Variants in TBC1D23 observed in about 807,000 individuals in gnomAD.
TBC1D23 encodes HCV non-structural protein 4A-transactivated protein 1.
A neutral mutation model predicts 91.4 loss-of-function variants in TBC1D23; 55 were observed. The observed-to-expected ratio is 0.60, with a 90% CI of 0.48 to 0.75. The LOEUF is 0.75. Ranked by LOEUF, TBC1D23 falls within the 30% of genes least tolerant of loss-of-function variation. The pLI, the probability that TBC1D23 is intolerant of heterozygous loss-of-function variation, is 0.00. For synonymous variants in TBC1D23, 289 were observed against 281.0 expected (o/e 1.03, Z -0.28); for missense variants, 725 against 836.1 (o/e 0.87, Z 1.64).
intron 10 of TBC1D23, among the ~76,000 whole-genome samples, chr3:100,299,671 G>A (rs754689504): frequency 3.3e-5 from 5 of 152,058 alleles, no homozygotes; most frequent in Non-Finnish European, 5.9e-5. Context: ...CACCAGGCCC[G>A]GCTAATTTTT....
chr3:100,293,114 T>C (rs1332282456), intron 5 of TBC1D23, among the ~76,000 whole-genome samples: 1 of 149,054 alleles, frequency 6.7e-6, no homozygotes, highest in Non-Finnish European at 1.5e-5. Context: ...AGTTTGTTTG[T>C]TTGTTTGTTT....
chr3:100,293,660 A>G (rs1221422463), intron 5 of TBC1D23, among the ~76,000 whole-genome samples: 2 of 152,220 alleles, frequency 1.3e-5, no homozygotes, highest in African/African-American at 4.8e-5. Context: ...CACAAAAAAC[A>G]TTAGTAGCAT....
intron 17 of TBC1D23, among the ~76,000 whole-genome samples, chr3:100,319,920 A>G (rs1040726357): frequency 5.3e-5 from 8 of 152,140 alleles, no homozygotes; most frequent in Non-Finnish European, 8.8e-5. Context: ...CACAACTTCA[A>G]TGCCATTACC....
intron 4 of TBC1D23, among the ~76,000 whole-genome samples, chr3:100,284,473 G>A (rs2067723244): frequency 6.6e-6 from 1 of 152,144 alleles, no homozygotes; most frequent in Non-Finnish European, 1.5e-5. Context: ...TATTGAGCTT[G>A]GAAGGAAGTC....
intron 9 of TBC1D23, among the ~76,000 whole-genome samples, chr3:100,298,401 G>T (rs1705346136): frequency 6.6e-6 from 1 of 152,202 alleles, no homozygotes; most frequent in South Asian, 2.1e-4. Flanking sequence ...ACAGCTAATT[G>T]AATTACATGG....
Position 100,261,171 on chromosome 3 carries a change from G to A in TBC1D23, c.53+100G>A, listed in dbSNP as rs566422676. 142 of 1,238,006 alleles carry A rather than the reference G, an allele frequency of 1.1e-4. No individual in the cohort carries two copies. In the Admixed American group the frequency reaches 2.5e-3, roughly 22 times the overall value. The allele number at this position is 1,238,006 out of a possible 1,614,324, so 76.7% of individuals were successfully genotyped here. On this transcript the variant is annotated intron_variant, in intron 1 of 18. Coordinates refer to ENST00000394144, the MANE Select transcript of TBC1D23 (RefSeq NM_001199198.3). ...CCGTCTGGCGTCGGCATGGAACGGA[G>A]AGGCCGGTCCTAGGCGAAGTCCGGT... is the stretch of plus-strand genomic sequence containing the variant.
chr3:100,304,895 TTTTGA>T lies in TBC1D23; in HGVS notation c.1306+11_1306+15del. The T allele has an allele frequency of 6.9e-7, 1 of 1,441,592 alleles. No homozygotes were observed. The highest frequency in any genetic ancestry group is 2.3e-5 in the East Asian group (1 of 43,898). 89.3% of individuals were successfully genotyped at this position (1,441,592 alleles called of 1,614,324 possible). The stretch of plus-strand genomic sequence containing the variant: ...GCCAGTGGAGGATTTATGGGTAAGA[TTTTGA>T]TTTATTAGTTTTTTTCCTCTATGTT... On this transcript the variant is annotated splice_region_variant and intron_variant, in intron 12 of 18. Transcript: ENST00000394144.
chr3:100,283,328 C>T (rs1225451755), intron 3 of TBC1D23, among the ~76,000 whole-genome samples: 1 of 151,732 alleles, frequency 6.6e-6, no homozygotes, highest in Non-Finnish European at 1.5e-5. Context: ...GAGCCAAGAC[C>T]GTGCCATTGC....
chr3:100,271,623 G>A lies in TBC1D23; in HGVS notation c.54-8026G>A, dbSNP rs144100411. On this transcript the variant is annotated intron_variant, in intron 1 of 18. Coordinates refer to ENST00000394144, the MANE Select transcript of TBC1D23 (RefSeq NM_001199198.3). ...TGTTTGTTTGTTTTTGGAGGGGGCT[G>A]AGATCAAAGGGAAGAGAAGCCTGCT... is the stretch of plus-strand genomic sequence containing the variant. 4.7e-3 allele frequency among the ~76,000 whole-genome samples: 710 copies of A among 152,278 alleles called. 2 individuals carry two copies. Among genetic ancestry groups the A allele is most frequent in the Non-Finnish European group, 6.3e-3 (431 of 68,012 alleles).
In TBC1D23 at chr3:100,282,347, C is replaced by T. The variant is rs182413135; in HGVS notation, c.271+500C>T. ...AAAGATAACCTAGTTTTTACTGTTT[C>T]TTTTGCATTATATGTTAGATTTTTC... On this transcript the variant is annotated intron_variant, in intron 3 of 18. Coordinates refer to ENST00000394144, the MANE Select transcript of TBC1D23 (RefSeq NM_001199198.3). Among the ~76,000 whole-genome samples, 1,408 of 152,138 alleles carry T rather than the reference C, an allele frequency of 9.3e-3. 11 individuals are homozygous for T. The highest frequency in any genetic ancestry group is 0.014 in the Non-Finnish European group (953 of 67,982).
intron 4 of TBC1D23, among the ~76,000 whole-genome samples, chr3:100,285,880 C>G (rs2067737606): frequency 6.7e-6 from 1 of 150,282 alleles, no homozygotes; most frequent in Non-Finnish European, 1.5e-5. Context: ...AGAAATGACT[C>G]TTTACCCAAA....
chr3:100,283,548 G>A (rs2067713149), intron 3 of TBC1D23, 59 bp from the exon 4 acceptor site: 3 of 1,106,986 alleles, frequency 2.7e-6, no homozygotes, highest in South Asian at 2.7e-5. Context: ...CAAGTGTTAT[G>A]TCCAATAACA....
At chr3:100,298,387 GT>G (rs1328177320) in intron 9 of TBC1D23, among the ~76,000 whole-genome samples, 1 of 152,182 alleles carries the variant, frequency 6.6e-6, no homozygotes, top group Admixed American at 6.5e-5. Flanking sequence ...GTTTCTGGTA[GT>G]TTACAGCTAA....
intron 4 of TBC1D23, among the ~76,000 whole-genome samples, chr3:100,286,813 T>C (rs1349187789): frequency 6.6e-6 from 1 of 151,952 alleles, no homozygotes; most frequent in African/African-American, 2.4e-5. Flanking sequence ...TCTTCTTCTT[T>C]TTAATTATTT....
intron 2 of TBC1D23, among the ~76,000 whole-genome samples, chr3:100,280,134 G>T (rs181176557): frequency 6.6e-6 from 1 of 151,950 alleles, no homozygotes; most frequent in Admixed American, 6.6e-5. Context: ...AGAGGCCGAG[G>T]CAAGAGAATC....
intron 12 of TBC1D23, among the ~76,000 whole-genome samples, chr3:100,306,029 T>G (rs1158691717): frequency 6.6e-6 from 1 of 152,342 alleles, no homozygotes; most frequent in Non-Finnish European, 1.5e-5. Flanking sequence ...CTAACAATGC[T>G]TCTTTATTAT....
In TBC1D23 at chr3:100,270,230, G is replaced by A. The variant is rs571306219; in HGVS notation, c.53+9159G>A. 4.6e-4 allele frequency among the ~76,000 whole-genome samples: 70 copies of A among 152,252 alleles called. No homozygotes were observed. The Middle Eastern group carries it at 0.01, about 22-fold the overall frequency. On this transcript the variant is annotated intron_variant, in intron 1 of 18. Coordinates refer to ENST00000394144, the MANE Select transcript of TBC1D23 (RefSeq NM_001199198.3). The stretch of plus-strand genomic sequence containing the variant: ...TGTAGTAGGTGCTCAATACATACGT[G>A]TTGAAGGTTTGAATAAAAGAATACT...
At chr3:100,302,734 C>T (rs763590591) in intron 11 of TBC1D23, among the ~76,000 whole-genome samples, 4 of 152,116 alleles carry the variant, frequency 2.6e-5, no homozygotes, top group African/African-American at 7.2e-5. Flanking sequence ...TACAGGCACA[C>T]GCCACCACGC....
intron 2 of TBC1D23, among the ~76,000 whole-genome samples, chr3:100,280,710 G>T (rs940999544): frequency 6.6e-6 from 1 of 152,164 alleles, no homozygotes; most frequent in East Asian, 1.9e-4. Flanking sequence ...CTTGTATAAT[G>T]AACTCCCATG....
Sources: allele counts gnomAD v4.1 joint callset (sites outside exome capture counted in the v4.1 genomes callset), GRCh38; gene constraint gnomAD v4.1.1; transcripts MANE v1.5; gene names NCBI Gene and HGNC (gene_info 2026-07-23, HGNC 2026-07-21).